Variants in NUP37 observed in about 807,000 individuals in gnomAD.
NUP37 encodes nucleoporin 37, also known as nucleoporin Nup37.
In NUP37, 33 loss-of-function variants were observed where a neutral mutation model predicts 45.4. The observed-to-expected ratio is 0.73, with a 90% CI of 0.55 to 0.97. NUP37 has a LOEUF of 0.97. Ranked by LOEUF, NUP37 falls within the 50% of genes least tolerant of loss-of-function variation. The pLI is 0.00. For missense variants in NUP37, 365 were observed against 389.7 expected (o/e 0.94, Z 0.53); for synonymous variants, 127 against 130.7 (o/e 0.97, Z 0.19).
intron 3 of NUP37, among the ~76,000 whole-genome samples, chr12:102,104,939 T>C (rs1377682709): frequency 6.6e-6 from 1 of 152,210 alleles, no homozygotes; most frequent in Non-Finnish European, 1.5e-5. Flanking sequence ...TGAGGTTCCA[T>C]CTGAATTTTA....
chr12:102,097,916 G>T (rs561369362), intron 5 of NUP37, among the ~76,000 whole-genome samples: 1 of 152,182 alleles, frequency 6.6e-6, no homozygotes, highest in South Asian at 2.1e-4. Context: ...AATGGCCTAT[G>T]ACTCTATCAC....
Position 102,075,066 on chromosome 12 carries a change from CA to C in NUP37, c.801del (p.Phe267LeufsTer19), listed in dbSNP as rs763913060. 2 of 1,610,386 alleles carry C rather than the reference CA, an allele frequency of 1.2e-6. No individual in the cohort carries two copies. Among genetic ancestry groups the C allele is most frequent in the East Asian group, 4.5e-5 (2 of 44,792 alleles). ...ATTTTGCCAGGATAACCAGTGGTTGCAAACAGATTTTCACTAATTGTGGACC... is the reference window on the plus strand; with the variant it reads ...ATTTTGCCAGGATAACCAGTGGTTGCAACAGATTTTCACTAATTGTGGACC... ...FRWSTISENL[F>X]ATTGYPGKMA... On this transcript the variant is annotated frameshift_variant, in exon 9 of 10. Transcript: ENST00000552283. LOFTEE classifies it high-confidence loss of function.
intron 6 of NUP37, among the ~76,000 whole-genome samples, chr12:102,083,320 G>A (rs1369069119): frequency 6.6e-6 from 1 of 152,118 alleles, no homozygotes; most frequent in East Asian, 1.9e-4. Context: ...TTTAGGAACT[G>A]GACTCAGAAA....
intron 2 of NUP37, among the ~76,000 whole-genome samples, chr12:102,115,239 G>A (rs1267271891): frequency 6.6e-6 from 1 of 152,114 alleles, no homozygotes; most frequent in Non-Finnish European, 1.5e-5. Flanking sequence ...GATTACTGTC[G>A]ATTTACAGAG....
intron 6 of NUP37, among the ~76,000 whole-genome samples, chr12:102,084,537 G>A (rs1227486656): frequency 2.6e-5 from 4 of 151,904 alleles, no homozygotes; most frequent in Non-Finnish European, 2.9e-5. Flanking sequence ...CCAGCTACTC[G>A]GGAGGCTGAG....
chr12:102,083,363 C>T (rs1179474225), intron 6 of NUP37, among the ~76,000 whole-genome samples: 1 of 152,192 alleles, frequency 6.6e-6, no homozygotes, highest in Non-Finnish European at 1.5e-5. Flanking sequence ...TAGAACATTT[C>T]ACTCATGCAC....
intron 5 of NUP37, among the ~76,000 whole-genome samples, chr12:102,092,246 T>G (rs370437147): frequency 7.9e-5 from 12 of 152,240 alleles, no homozygotes; most frequent in African/African-American, 2.7e-4. Flanking sequence ...TGGATGACAT[T>G]AAATGACACA....
rs557595183 is a variant in NUP37 at position 102,095,719 on chromosome 12, A to T, written c.449+3387T>A. On this transcript the variant is annotated intron_variant, in intron 5 of 9. Coordinates refer to ENST00000552283, the MANE Select transcript of NUP37 (RefSeq NM_024057.4). ...TATTATCTTACTTTTTCAACTTGAC[A>T]TCCTATGATTTATCTTGCTATGTTA... Among the ~76,000 whole-genome samples, 8 of 152,192 alleles carry T rather than the reference A, an allele frequency of 5.3e-5. No individual in the cohort carries two copies. The East Asian group carries it at 1.5e-3, about 29-fold the overall frequency.
intron 5 of NUP37, among the ~76,000 whole-genome samples, chr12:102,091,399 CAAAAAAAAAAAAAA>C (rs1163474160): frequency 1.3e-4 from 5 of 37,802 alleles, no homozygotes; most frequent in East Asian, 1.2e-3. Flanking sequence ...GACTCCGTCT[CAAAAAAAAAAAAAA>C]AAAAAAAAAA....
intron 3 of NUP37, among the ~76,000 whole-genome samples, chr12:102,109,848 A>T (rs1386508370): frequency 1.3e-5 from 2 of 152,226 alleles, no homozygotes; most frequent in Non-Finnish European, 2.9e-5. Flanking sequence ...GGTATCACAA[A>T]ACTTAAAACC....
intron 6 of NUP37, among the ~76,000 whole-genome samples, chr12:102,080,029 T>A (rs1879287359): frequency 6.6e-6 from 1 of 152,158 alleles, no homozygotes; most frequent in Non-Finnish European, 1.5e-5. Flanking sequence ...ATAATGAAGA[T>A]CTACTGTATA....
chr12:102,101,168 C>A (rs1472918418), intron 3 of NUP37, 64 bp from the exon 4 acceptor site: 1 of 803,800 alleles, frequency 1.2e-6, no homozygotes, highest in East Asian at 2.8e-5. Flanking sequence ...TCTCCCCCTC[C>A]CCCCCATCCT....
At chr12:102,114,766 G>GTTTACA (rs147855909) in intron 2 of NUP37, among the ~76,000 whole-genome samples, 6,336 of 152,170 alleles carry the variant, frequency 0.042, 198 homozygotes, top group African/African-American at 0.08. Flanking sequence ...GAAAAAAAGA[G>GTTTACA]TTTACACAAC....
At chr12:102,110,175 T>C (rs1484768105) in intron 3 of NUP37, among the ~76,000 whole-genome samples, 27 of 152,042 alleles carry the variant, frequency 1.8e-4, no homozygotes, top group Admixed American at 1.8e-3. Context: ...ATCATGGAAA[T>C]GTCATTGTGG....
chr12:102,095,329 C>T (rs1879772946), intron 5 of NUP37, among the ~76,000 whole-genome samples: 1 of 152,088 alleles, frequency 6.6e-6, no homozygotes, highest in African/African-American at 2.4e-5. Context: ...TTCAATGACA[C>T]TAGGTCATAA....
intron 2 of NUP37, among the ~76,000 whole-genome samples, chr12:102,117,024 G>C (rs1880483789): frequency 6.6e-6 from 1 of 152,074 alleles, no homozygotes; most frequent in African/African-American, 2.4e-5. Context: ...AACAAAAACA[G>C]AATTGCCTTC....
chr12:102,082,999 T>C (rs376507994), intron 6 of NUP37, among the ~76,000 whole-genome samples: 9 of 152,252 alleles, frequency 5.9e-5, no homozygotes, highest in African/African-American at 1.9e-4. Flanking sequence ...TTTCAAACAT[T>C]CTGAAGTCAT....
chr12:102,100,476 T>C (rs906485653), intron 4 of NUP37, among the ~76,000 whole-genome samples: 13 of 152,326 alleles, frequency 8.5e-5, no homozygotes, highest in African/African-American at 3.1e-4. Context: ...TTATATGAAT[T>C]TGCTCAGTCA....
chr12:102,078,800 T>A (rs1198411341), intron 6 of NUP37, among the ~76,000 whole-genome samples: 1 of 152,226 alleles, frequency 6.6e-6, no homozygotes, highest in Admixed American at 6.5e-5. Context: ...AAGATACCAT[T>A]GAGTTAAGAT....
Sources: allele counts gnomAD v4.1 joint callset (sites outside exome capture counted in the v4.1 genomes callset), GRCh38; gene constraint gnomAD v4.1.1; transcripts MANE v1.5; gene names NCBI Gene and HGNC (gene_info 2026-07-23, HGNC 2026-07-21).